The following NRG1 variants were observed in gnomAD, a reference collection of about 807,000 sequenced individuals.
NRG1 encodes pro-neuregulin-1, membrane-bound isoform.
NRG1 carries 18 observed loss-of-function variants against 63.8 expected under a neutral mutation model. The ratio of observed to expected loss-of-function variants is 0.28; its 90% CI spans 0.19 to 0.42. NRG1 has a LOEUF of 0.42. Among genes scored for constraint, NRG1 ranks in the 10% least tolerant of loss-of-function variants. NRG1 has a pLI of 1.00. For synonymous variants in NRG1, 302 were observed against 301.3 expected, an observed-to-expected ratio of 1.00 and a Z score of -0.02; for missense variants, 762 against 814.7, an observed-to-expected ratio of 0.94 and a Z score of 0.79.
At chr8:31,705,963 C>T (rs532161351) in intron 1 of NRG1, among the ~76,000 whole-genome samples, 4 of 152,280 alleles carry the variant, frequency 2.6e-5, no homozygotes, top group African/African-American at 7.2e-5. Context: ...AGTTCACGTA[C>T]GTCTTAGAGG....
intron 1 of NRG1, among the ~76,000 whole-genome samples, chr8:32,560,400 G>A (rs1410010332): frequency 6.6e-6 from 1 of 152,182 alleles, no homozygotes; most frequent in African/African-American, 2.4e-5. Flanking sequence ...AAGCCACAAA[G>A]TCATATCTGT....
intron 1 of NRG1, among the ~76,000 whole-genome samples, chr8:32,076,400 T>G (rs1225832839): frequency 6.8e-6 from 1 of 146,752 alleles, no homozygotes; most frequent in Admixed American, 7.0e-5. Context: ...ATTAGAAGTG[T>G]ATTGTTAAAT....
intron 1 of NRG1, among the ~76,000 whole-genome samples, chr8:32,356,087 C>T (rs898172784): frequency 3.3e-5 from 5 of 152,098 alleles, no homozygotes; most frequent in African/African-American, 1.2e-4. Flanking sequence ...AGGACAAGTA[C>T]CCTACTCCTG....
intron 5 of NRG1, among the ~76,000 whole-genome samples, chr8:32,705,845 G>C (rs10092449): frequency 1.3e-5 from 2 of 152,062 alleles, no homozygotes; most frequent in African/African-American, 4.8e-5. Flanking sequence ...GTTGCAATGA[G>C]TCCCATTGAA....
intron 1 of NRG1, among the ~76,000 whole-genome samples, chr8:31,650,406 C>T (rs1804717486): frequency 6.6e-6 from 1 of 152,136 alleles, no homozygotes; most frequent in Non-Finnish European, 1.5e-5. Flanking sequence ...TCTCACCTTC[C>T]CATATGAACA....
At chr8:32,069,380 G>A (rs966071324) in intron 1 of NRG1, among the ~76,000 whole-genome samples, 3 of 152,324 alleles carry the variant, frequency 2.0e-5, no homozygotes, top group African/African-American at 7.2e-5. Flanking sequence ...AAGTATAATA[G>A]TACAGAATCA....
At chr8:32,377,341 G>A (rs1338922305) in intron 1 of NRG1, among the ~76,000 whole-genome samples, 1 of 152,178 alleles carries the variant, frequency 6.6e-6, no homozygotes, top group Admixed American at 6.5e-5. Flanking sequence ...CCACTACTAA[G>A]TGAGAAAGGG....
chr8:31,780,288 G>T (rs1225691829), intron 1 of NRG1, among the ~76,000 whole-genome samples: 1 of 152,096 alleles, frequency 6.6e-6, no homozygotes, highest in Non-Finnish European at 1.5e-5. Flanking sequence ...CTTGTTCTTG[G>T]CATTCTTTCT....
chr8:31,653,056 T>C (rs1046810727), intron 1 of NRG1, among the ~76,000 whole-genome samples: 49 of 132,300 alleles, frequency 3.7e-4, no homozygotes, highest in African/African-American at 1.3e-3. Flanking sequence ...TCCTCTCCTC[T>C]TGTCTTCCCA....
chr8:32,447,165 G>A (rs1401359651), intron 1 of NRG1, among the ~76,000 whole-genome samples: 9 of 151,420 alleles, frequency 5.9e-5, no homozygotes, highest in Non-Finnish European at 1.2e-4. Context: ...GATTACAGGC[G>A]CCCACCACCA....
intron 1 of NRG1, among the ~76,000 whole-genome samples, chr8:32,511,087 TGA>T (rs1377097425): frequency 6.6e-6 from 1 of 151,200 alleles, no homozygotes; most frequent in Non-Finnish European, 1.5e-5. Context: ...TTAGGGGCTT[TGA>T]GAAAATGAGG....
intron 5 of NRG1, among the ~76,000 whole-genome samples, chr8:32,723,377 T>C (rs1821142661): frequency 6.6e-6 from 1 of 152,082 alleles, no homozygotes; most frequent in African/African-American, 2.4e-5. Context: ...TTGCACATAA[T>C]AAACAGTCAC....
intron 1 of NRG1, among the ~76,000 whole-genome samples, chr8:31,716,587 A>G (rs1411730745): frequency 6.6e-6 from 1 of 152,228 alleles, no homozygotes; most frequent in Non-Finnish European, 1.5e-5. Context: ...CTCCACTTAC[A>G]AATTCTTTTA....
chr8:32,379,560 T>C (rs1810077189), intron 1 of NRG1, among the ~76,000 whole-genome samples: 1 of 152,240 alleles, frequency 6.6e-6, no homozygotes, highest in South Asian at 2.1e-4. Context: ...ATATGATTGA[T>C]ATAACAAATT....
chr8:32,444,223 A>C (rs1819948692), intron 1 of NRG1, among the ~76,000 whole-genome samples: 1 of 151,742 alleles, frequency 6.6e-6, no homozygotes, highest in South Asian at 2.1e-4. Flanking sequence ...GGCTCAAGGG[A>C]TCCTCCCGCC....
At chr8:32,342,894 G>A (rs1010982957) in intron 1 of NRG1, among the ~76,000 whole-genome samples, 1 of 152,144 alleles carries the variant, frequency 6.6e-6, no homozygotes, top group African/African-American at 2.4e-5. Context: ...ATTCAGGCAG[G>A]AAGCATGTCA....
chr8:31,834,763 T>A, intron 1 of NRG1, among the ~76,000 whole-genome samples: 1 of 152,206 alleles, frequency 6.6e-6, no homozygotes, highest in East Asian at 1.9e-4. Context: ...ATTATACACA[T>A]ATAAATTAGT....
chr8:31,802,295 A>G (rs1821867391), intron 1 of NRG1, among the ~76,000 whole-genome samples: 1 of 152,168 alleles, frequency 6.6e-6, no homozygotes, highest in Non-Finnish European at 1.5e-5. Context: ...TTCATGCTAC[A>G]TTCCTTCACA....
intron 1 of NRG1, among the ~76,000 whole-genome samples, chr8:32,407,272 A>G (rs1372155466): frequency 3.7e-5 from 2 of 53,364 alleles, no homozygotes; most frequent in Non-Finnish European, 7.6e-5. Flanking sequence ...GTGTATATAT[A>G]TATTATATAT....
Sources: gnomAD v4.1 joint callset for allele counts (sites outside exome capture counted in the v4.1 genomes callset) on GRCh38, gnomAD v4.1.1 for gene constraint, MANE v1.5 for transcripts, NCBI Gene and HGNC (gene_info 2026-07-23, HGNC 2026-07-21) for gene names.